Variants in ZFHX3 observed in about 807,000 individuals in gnomAD.
ZFHX3 encodes the protein zinc finger homeobox protein 3.
ZFHX3 carries 42 observed loss-of-function variants against 279.1 expected under a neutral mutation model. The observed-to-expected ratio is 0.15, with a 90% CI of 0.12 to 0.19. The LOEUF is 0.19. ZFHX3 is among the 10% of genes least tolerant of loss of function. The probability of loss-of-function intolerance (pLI) is 1.00; values close to 1 mark genes in which losing one functional copy is unlikely to be tolerated. For missense variants in ZFHX3, 4,981 were observed against 4,754.0 expected, an observed-to-expected ratio of 1.05 and a Z score of -1.40; for synonymous variants, 2,293 against 1,957.8, an observed-to-expected ratio of 1.17 and a Z score of -4.52.
chr16:73,824,479 C>T (rs1205256670), intron 1 of ZFHX3, among the ~76,000 whole-genome samples: 32 of 126,158 alleles, frequency 2.5e-4, no homozygotes, highest in Non-Finnish European at 4.1e-4. Context: ...TATACATGTG[C>T]CATGCTGGTG....
At chr16:73,684,048 C>A (rs1041339957) in intron 1 of ZFHX3, among the ~76,000 whole-genome samples, 1 of 152,172 alleles carries the variant, frequency 6.6e-6, no homozygotes, top group African/African-American at 2.4e-5. Context: ...AATCCCAGTA[C>A]TTTGGGAAGC....
intron 7 of ZFHX3, among the ~76,000 whole-genome samples, chr16:73,113,037 C>G (rs1325569286): frequency 6.6e-6 from 1 of 151,818 alleles, no homozygotes; most frequent in African/African-American, 2.4e-5. Context: ...AGGGATTTTC[C>G]CTAAGATCCA....
chr16:73,572,021 T>C (rs2051743145), intron 2 of ZFHX3, among the ~76,000 whole-genome samples: 1 of 152,198 alleles, frequency 6.6e-6, no homozygotes, highest in Non-Finnish European at 1.5e-5. Flanking sequence ...AAATGCTTTC[T>C]GATTCATCTT....
intron 4 of ZFHX3, among the ~76,000 whole-genome samples, chr16:73,284,981 C>T (rs1255774836): frequency 3.3e-5 from 5 of 152,206 alleles, no homozygotes; most frequent in Admixed American, 6.5e-5. Context: ...GCTGAGTCTA[C>T]AGGCCTGCAC....
chr16:73,271,216 G>A (rs2014134880), intron 4 of ZFHX3, among the ~76,000 whole-genome samples: 1 of 152,144 alleles, frequency 6.6e-6, no homozygotes. Context: ...CCGGGAAAGA[G>A]CCCAGTCATG....
chr16:73,436,904 C>T (rs2018009639), intron 3 of ZFHX3, among the ~76,000 whole-genome samples: 3 of 148,554 alleles, frequency 2.0e-5, no homozygotes, highest in Admixed American at 2.0e-4. Flanking sequence ...ACACAGACTC[C>T]CCTGAGTTCT....
chr16:73,305,573 G>A (rs758726206), intron 4 of ZFHX3, among the ~76,000 whole-genome samples: 13 of 151,488 alleles, frequency 8.6e-5, no homozygotes, highest in Non-Finnish European at 1.8e-4. Context: ...AGAAGCGAGC[G>A]CTCACATGGC....
intron 7 of ZFHX3, among the ~76,000 whole-genome samples, chr16:72,802,020 T>TA (rs887210298): frequency 1.2e-4 from 18 of 148,574 alleles, no homozygotes; most frequent in African/African-American, 4.0e-4. Context: ...TCATGAGAAA[T>TA]AAAAAAAAAG....
intron 1 of ZFHX3, among the ~76,000 whole-genome samples, chr16:73,824,352 C>T (rs1200944737): frequency 2.8e-5 from 4 of 141,548 alleles, no homozygotes; most frequent in African/African-American, 1.1e-4. Context: ...AAAACAATGT[C>T]AGAAATGTGT....
At chr16:73,603,537 C>T (rs2052145817) in intron 2 of ZFHX3, among the ~76,000 whole-genome samples, 1 of 151,984 alleles carries the variant, frequency 6.6e-6, no homozygotes, top group Non-Finnish European at 1.5e-5. Context: ...TGTAAGTTGA[C>T]AAAAACTTTC....
At chr16:72,803,037 T>A (rs1171629651) in intron 7 of ZFHX3, among the ~76,000 whole-genome samples, 1 of 152,138 alleles carries the variant, frequency 6.6e-6, no homozygotes, top group Non-Finnish European at 1.5e-5. Context: ...GGGAAAGTAA[T>A]AACCCAGCTG....
At chr16:73,335,819 G>A (rs1268371754) in intron 3 of ZFHX3, among the ~76,000 whole-genome samples, 1 of 152,172 alleles carries the variant, frequency 6.6e-6, no homozygotes, top group African/African-American at 2.4e-5. Context: ...AAGCAAAACT[G>A]CATTTCATTC....
chr16:73,020,570 C>G (rs780715140), intron 1 of ZFHX3, among the ~76,000 whole-genome samples: 1 of 152,176 alleles, frequency 6.6e-6, no homozygotes, highest in Non-Finnish European at 1.5e-5. Flanking sequence ...CGGCCAGGCC[C>G]GTGGTGTTGA....
intron 3 of ZFHX3, among the ~76,000 whole-genome samples, chr16:72,905,572 C>T (rs1337071246): frequency 6.6e-6 from 1 of 152,140 alleles, no homozygotes; most frequent in Admixed American, 6.5e-5. Context: ...AGAGGGAGTA[C>T]ACTCCGCAGA....
chr16:73,244,479 G>A (rs2013221502), intron 5 of ZFHX3, among the ~76,000 whole-genome samples: 1 of 152,166 alleles, frequency 6.6e-6, no homozygotes. Context: ...GAAGGGCTTT[G>A]GGAACAAGGC....
chr16:72,959,057 A>G lies in ZFHX3; in HGVS notation c.1089T>C (p.Ser363=), dbSNP rs1961421989. 1 of 1,613,904 alleles carries G rather than the reference A, an allele frequency of 6.2e-7. No individual in the cohort carries two copies. Among genetic ancestry groups the G allele is most frequent in the Non-Finnish European group, 8.5e-7 (1 of 1,179,962 alleles). Reference sequence around the variant, plus strand: ...GAATGCCACTAAATTTACCATAAAAACTGTGTCCGGGGCCTATGAGGTTAG... The same window carrying G: ...GAATGCCACTAAATTTACCATAAAAGCTGTGTCCGGGGCCTATGAGGTTAG... ...STANLIGPGH[S]FYGKFSGIRM... is the part of the protein sequence containing the mutation. Residue 363 remains serine, a synonymous_variant, in exon 2 of 10, where the codon AGT becomes AGC. Transcript: ENST00000268489.
chr16:73,178,026 C>A (rs577789845), intron 5 of ZFHX3, among the ~76,000 whole-genome samples: 14 of 152,266 alleles, frequency 9.2e-5, no homozygotes, highest in Admixed American at 2.6e-4. Flanking sequence ...AGCTTCCTTA[C>A]TCTGAGCTGA....
chr16:73,688,325 C>A (rs1288219310), intron 1 of ZFHX3, among the ~76,000 whole-genome samples: 1 of 144,226 alleles, frequency 6.9e-6, no homozygotes, highest in Non-Finnish European at 1.5e-5. Flanking sequence ...CTGCTGCACT[C>A]CAGCCTGGGT....
intron 2 of ZFHX3, among the ~76,000 whole-genome samples, chr16:73,652,957 A>G (rs899091880): frequency 6.6e-6 from 1 of 152,154 alleles, no homozygotes; most frequent in Non-Finnish European, 1.5e-5. Context: ...TAAAAACAAA[A>G]TCAATTCATA....
Sources: gnomAD v4.1 joint callset for allele counts (sites outside exome capture counted in the v4.1 genomes callset) on GRCh38, gnomAD v4.1.1 for gene constraint, MANE v1.5 for transcripts, NCBI Gene and HGNC (gene_info 2026-07-23, HGNC 2026-07-21) for gene names.